The following TAAR5 variants were observed in gnomAD, a reference collection of about 807,000 sequenced individuals.
TAAR5 encodes the protein trace amine associated receptor 5.
TAAR5 carries 27 observed loss-of-function variants against 21.1 expected under a neutral mutation model. The ratio of observed to expected loss-of-function variants is 1.28; its 90% CI spans 0.94 to 1.76. The LOEUF is 1.76. Ranked by LOEUF, TAAR5 falls within the 40% of genes most tolerant of loss-of-function variation. The probability of loss-of-function intolerance (pLI) is 0.00; values close to 1 mark genes in which losing one functional copy is unlikely to be tolerated. For missense variants in TAAR5, 495 were observed against 405.6 expected, an observed-to-expected ratio of 1.22 and a Z score of -1.89; for synonymous variants, 203 against 167.5, an observed-to-expected ratio of 1.21 and a Z score of -1.64.
chr6:132,607,622 C>G, the TAAR5 span, among the ~76,000 whole-genome samples: 1 of 152,118 alleles, frequency 6.6e-6, no homozygotes, highest in Admixed American at 6.6e-5. Context: ...ATGTAAACCA[C>G]AAAGTTAATA....
the TAAR5 span, among the ~76,000 whole-genome samples, chr6:132,596,446 C>G: frequency 3.3e-5 from 5 of 152,048 alleles, no homozygotes; most frequent in Admixed American, 3.3e-4. Flanking sequence ...ACTGAATGGT[C>G]CTTTGGGAAA....
chr6:132,600,696 GA>G, the TAAR5 span, among the ~76,000 whole-genome samples: 17 of 139,804 alleles, frequency 1.2e-4, no homozygotes, highest in Non-Finnish European at 2.2e-4. Context: ...CCCCAAAGAA[GA>G]AAAAAACTAA....
the TAAR5 span, among the ~76,000 whole-genome samples, chr6:132,595,760 G>A: frequency 1.5e-4 from 23 of 152,272 alleles, no homozygotes; most frequent in Non-Finnish European, 2.8e-4. Context: ...TTCCGAATCC[G>A]TAGGCAGATT....
the TAAR5 span, among the ~76,000 whole-genome samples, chr6:132,597,185 C>T: frequency 2.0e-5 from 3 of 151,926 alleles, no homozygotes; most frequent in African/African-American, 7.3e-5. Context: ...AAAAACATGG[C>T]ATGAAACAAC....
chr6:132,611,285 T>C, the TAAR5 span, among the ~76,000 whole-genome samples: 1 of 149,658 alleles, frequency 6.7e-6, no homozygotes, highest in Admixed American at 6.7e-5. Flanking sequence ...CTGGAAAGGA[T>C]AGTGGGGAGA....
chr6:132,614,669 G>A, the TAAR5 span, among the ~76,000 whole-genome samples: 3 of 152,138 alleles, frequency 2.0e-5, no homozygotes, highest in African/African-American at 7.2e-5. Context: ...GTTTAGTGTA[G>A]AGGATTAAGG....
Position 132,588,663 on chromosome 6 carries a change from G to A in TAAR5, c.*10C>T, listed in dbSNP as rs1158047617. The A allele has an allele frequency of 2.5e-6, 4 of 1,600,924 alleles. No homozygotes were observed. The highest frequency in any genetic ancestry group is 1.7e-5 in the Admixed American group (1 of 59,474). Reference sequence around the variant, plus strand: ...AGGTCCTACTCCTTGCCTGCATTTAGTAGAAGGAATCATTCTTGGTACAAA... The same window carrying A: ...AGGTCCTACTCCTTGCCTGCATTTAATAGAAGGAATCATTCTTGGTACAAA... On this transcript the variant is annotated 3_prime_UTR_variant, in exon 1 of 1. Transcript: ENST00000258034.
upstream of TAAR5, among the ~76,000 whole-genome samples, chr6:132,590,858 A>G (rs992524574): frequency 2.6e-5 from 4 of 152,134 alleles, no homozygotes; most frequent in Admixed American, 2.6e-4. Flanking sequence ...TGGCTGCTAT[A>G]TATTTTCTAA....
chr6:132,603,302 CAAA>C, the TAAR5 span, among the ~76,000 whole-genome samples: 2,368 of 99,234 alleles, frequency 0.024, 47 homozygotes, highest in African/African-American at 0.075. Context: ...GACCCTATCT[CAAA>C]AAAAAAAAAA....
the TAAR5 span, chr6:132,595,411 G>T: frequency 6.6e-6 from 1 of 151,882 alleles, no homozygotes; most frequent in Non-Finnish European, 1.5e-5. Context: ...TACTGTTGGG[G>T]GGTTCTGAGG....
chr6:132,589,033 C>A lies in TAAR5; in HGVS notation c.654G>T (p.Leu218Phe). The A allele has an allele frequency of 6.2e-7, 1 of 1,614,076 alleles. No individual in the cohort carries two copies. The highest frequency in any genetic ancestry group is 8.5e-7 in the Non-Finnish European group (1 of 1,180,000). Reference sequence around the variant, plus strand: ...TAGCAACCACAAAGATCTTCACATACAAGCTGATCATAATGAGGCAGGGGA... The same window carrying A: ...TAGCAACCACAAAGATCTTCACATAAAAGCTGATCATAATGAGGCAGGGGA... Reference protein sequence around the residue: ...FFVPCLIMISLYVKIFVVATR... With the variant: ...FFVPCLIMISFYVKIFVVATR... Residue 218 changes from leucine to phenylalanine, a missense_variant, in exon 1 of 1, where the codon TTG becomes TTT. Leu to Phe is a conservative substitution (Grantham distance 22, BLOSUM62 0). Coordinates refer to ENST00000258034, the MANE Select transcript of TAAR5 (RefSeq NM_003967.3).
At chr6:132,597,964 C>G in the TAAR5 span, among the ~76,000 whole-genome samples, 9 of 152,148 alleles carry the variant, frequency 5.9e-5, no homozygotes, top group African/African-American at 1.9e-4. Context: ...AGTACTAGAA[C>G]CCTGAAATAT....
At chr6:132,607,809 C>T in the TAAR5 span, among the ~76,000 whole-genome samples, 1 of 152,262 alleles carries the variant, frequency 6.6e-6, no homozygotes, top group Admixed American at 6.5e-5. Context: ...AGAGGTCAAC[C>T]TTAAGGTACA....
At chr6:132,607,277 C>T in the TAAR5 span, among the ~76,000 whole-genome samples, 1 of 152,104 alleles carries the variant, frequency 6.6e-6, no homozygotes. Flanking sequence ...TTCTCCTTCT[C>T]TTCTTCTCCC....
At chr6:132,612,659 C>T in the TAAR5 span, among the ~76,000 whole-genome samples, 3 of 152,128 alleles carry the variant, frequency 2.0e-5, no homozygotes, top group Admixed American at 1.3e-4. Flanking sequence ...CATGACACCC[C>T]TCCGTGTCCC....
rs1776849366 is a variant in TAAR5, at chr6:132,588,695, G to A, written c.992C>T (p.Thr331Ile). 3.7e-6 allele frequency: 6 copies of A among 1,613,320 alleles called. No individual in the cohort carries two copies. Among genetic ancestry groups the A allele is most frequent in the Non-Finnish European group, 2.5e-6 (3 of 1,179,608 alleles). Reference sequence around the variant, plus strand: ...GAATCATTCTTGGTACAAATCAACAGTGCGTGTCTGCGGTGAGAAGACCTT... The same window carrying A: ...GAATCATTCTTGGTACAAATCAACAATGCGTGTCTGCGGTGAGAAGACCTT... ...SQKVFSPQTR[T>I]VDLYQE The change falls in exon 1 of 1, where the codon ACT becomes ATT. Residue 331 changes from threonine (T) to isoleucine (I), a missense_variant. Transcript: ENST00000258034.
At chr6:132,596,715 A>T in the TAAR5 span, among the ~76,000 whole-genome samples, 1 of 152,152 alleles carries the variant, frequency 6.6e-6, no homozygotes, top group Non-Finnish European at 1.5e-5. Context: ...TGAAACACCA[A>T]GCCATAGGGA....
At chr6:132,607,200 C>T in the TAAR5 span, among the ~76,000 whole-genome samples, 1 of 151,866 alleles carries the variant, frequency 6.6e-6, no homozygotes, top group Non-Finnish European at 1.5e-5. Context: ...GTCTCAAAAA[C>T]AAACATACAA....
At chr6:132,592,589 G>A (rs1432525049), upstream of TAAR5, among the ~76,000 whole-genome samples, 2 of 152,180 alleles carry the variant, frequency 1.3e-5, no homozygotes, top group African/African-American at 2.4e-5. Context: ...CATGGGGGTA[G>A]ATTTCCCCTT....
Sources: allele counts gnomAD v4.1 joint callset (sites outside exome capture counted in the v4.1 genomes callset), GRCh38; gene constraint gnomAD v4.1.1; transcripts MANE v1.5; gene names NCBI Gene and HGNC (gene_info 2026-07-23, HGNC 2026-07-21).